Variants in CSMD1 observed in about 807,000 individuals in gnomAD.
The protein encoded by CSMD1 is CUB and sushi domain-containing protein 1.
A neutral mutation model predicts 417.5 loss-of-function variants in CSMD1; 213 were observed. The ratio of observed to expected loss-of-function variants is 0.51; its 90% CI spans 0.46 to 0.57. CSMD1 has a LOEUF of 0.57. Among genes scored for constraint, CSMD1 ranks in the 20% least tolerant of loss-of-function variants. The pLI is 0.00. For missense variants in CSMD1, 6,923 were observed against 4,529.7 expected (o/e 1.53, Z -15.17); for synonymous variants, 2,862 against 1,736.8 (o/e 1.65, Z -16.11).
chr8:3,590,747 A>T (rs145404784), intron 8 of CSMD1, among the ~76,000 whole-genome samples: 8 of 152,192 alleles, frequency 5.3e-5, no homozygotes, highest in Non-Finnish European at 1.2e-4. Flanking sequence ...ACGCCATTCC[A>T]GCAGCACAGC....
At chr8:3,625,338 C>T (rs1022220007) in intron 7 of CSMD1, among the ~76,000 whole-genome samples, 2 of 152,242 alleles carry the variant, frequency 1.3e-5, no homozygotes, top group African/African-American at 4.8e-5. Flanking sequence ...TCCAATTGGA[C>T]GTGAAGAGCT....
intron 1 of CSMD1, among the ~76,000 whole-genome samples, chr8:4,738,358 T>A (rs1193809369): frequency 1.3e-5 from 2 of 152,132 alleles, no homozygotes; most frequent in African/African-American, 4.8e-5. Flanking sequence ...CAGAAAACTT[T>A]CAATCGTAGC....
intron 10 of CSMD1, among the ~76,000 whole-genome samples, chr8:3,510,173 G>A (rs1585277751): frequency 6.7e-6 from 1 of 149,494 alleles, no homozygotes; most frequent in South Asian, 2.1e-4. Flanking sequence ...AAAACACTGA[G>A]GCAAGTAGGG....
At chr8:4,545,924 T>A (rs1158463891) in intron 2 of CSMD1, among the ~76,000 whole-genome samples, 4 of 152,110 alleles carry the variant, frequency 2.6e-5, no homozygotes, top group Non-Finnish European at 4.4e-5. Context: ...CTAATCACAT[T>A]CTTGCCTATT....
At chr8:3,908,560 G>A (rs2129137925) in intron 5 of CSMD1, among the ~76,000 whole-genome samples, 1 of 152,134 alleles carries the variant, frequency 6.6e-6, no homozygotes, top group East Asian at 1.9e-4. Flanking sequence ...TTGTAGCTAT[G>A]GAGCTCACAT....
intron 2 of CSMD1, among the ~76,000 whole-genome samples, chr8:4,471,053 C>A (rs1800502749): frequency 6.6e-6 from 1 of 152,012 alleles, no homozygotes; most frequent in Non-Finnish European, 1.5e-5. Context: ...GGTCTAATTT[C>A]CTCATTAATA....
intron 3 of CSMD1, among the ~76,000 whole-genome samples, chr8:4,235,530 A>C (rs1386503244): frequency 6.6e-6 from 1 of 152,140 alleles, no homozygotes; most frequent in Non-Finnish European, 1.5e-5. Flanking sequence ...TACATACATG[A>C]ATCTACTCAA....
At chr8:4,600,056 C>G (rs1032196091) in intron 2 of CSMD1, among the ~76,000 whole-genome samples, 3 of 152,194 alleles carry the variant, frequency 2.0e-5, no homozygotes, top group Admixed American at 6.5e-5. Flanking sequence ...CCACCAATGG[C>G]TTGTCCTTCC....
At chr8:3,594,482 A>T (rs1801001251) in intron 8 of CSMD1, among the ~76,000 whole-genome samples, 1 of 152,194 alleles carries the variant, frequency 6.6e-6, no homozygotes, top group Non-Finnish European at 1.5e-5. Flanking sequence ...TGTTGGTAAC[A>T]AAGCTGAGGT....
chr8:3,109,306 C>T (rs1285202350), intron 43 of CSMD1, among the ~76,000 whole-genome samples: 6 of 152,132 alleles, frequency 3.9e-5, no homozygotes, highest in African/African-American at 2.4e-5. Flanking sequence ...ATGTCAACAC[C>T]TGTGAGATTT....
rs183939921 is a variant in CSMD1 at position 3,932,362 on chromosome 8, T to A, written c.818+65541A>T. 1.3e-4 allele frequency among the ~76,000 whole-genome samples: 20 copies of A among 150,740 alleles called. 4 individuals are homozygous for A. The highest frequency in any genetic ancestry group is 4.9e-4 in the African/African-American group (20 of 40,938). Reference sequence around the variant, plus strand: ...TTTATTCTGCGACTAGAGGAATGAATATAGGCACTTGGGTGTTTTGCTATG... The same window carrying A: ...TTTATTCTGCGACTAGAGGAATGAAAATAGGCACTTGGGTGTTTTGCTATG... On this transcript the variant is annotated intron_variant, in intron 5 of 69. Coordinates refer to ENST00000635120, the MANE Select transcript of CSMD1 (RefSeq NM_033225.6).
At chr8:3,075,595 C>A (rs976374528) in intron 49 of CSMD1, among the ~76,000 whole-genome samples, 4 of 152,012 alleles carry the variant, frequency 2.6e-5, no homozygotes, top group Non-Finnish European at 5.9e-5. Flanking sequence ...TCATGTATTT[C>A]TTTACAGTAA....
At chr8:4,953,091 AAT>A (rs1808859353) in intron 1 of CSMD1, among the ~76,000 whole-genome samples, 1 of 152,148 alleles carries the variant, frequency 6.6e-6, no homozygotes, top group African/African-American at 2.4e-5. Context: ...CCTTAAAAGA[AAT>A]ATATATTCAA....
At chr8:4,594,684 T>C (rs1800163812) in intron 2 of CSMD1, among the ~76,000 whole-genome samples, 1 of 152,210 alleles carries the variant, frequency 6.6e-6, no homozygotes, top group African/African-American at 2.4e-5. Flanking sequence ...TGTGTTGCCT[T>C]TGTAATCAAA....
At chr8:4,202,437 A>T (rs1335663925) in intron 3 of CSMD1, among the ~76,000 whole-genome samples, 1 of 152,206 alleles carries the variant, frequency 6.6e-6, no homozygotes, top group Non-Finnish European at 1.5e-5. Flanking sequence ...GAGGTCGTGG[A>T]AATGTACAAA....
At chr8:3,198,760 T>TA (rs1363412177) in intron 33 of CSMD1, among the ~76,000 whole-genome samples, 3 of 152,168 alleles carry the variant, frequency 2.0e-5, no homozygotes, top group Admixed American at 6.5e-5. Flanking sequence ...TCCACCTTTT[T>TA]AAAAAATACG....
At position 4,235,676 on chromosome 8, in the gene CSMD1, T is replaced by C. The variant is rs146938678; in HGVS notation, c.415+184277A>G. ...ACCCTTTTAAAATGGGTCAGCCTGT[T>C]GCCATGTTTTCCTGAAGAATTTTAT... On this transcript the variant is annotated intron_variant, in intron 3 of 69. Transcript: ENST00000635120. Among the ~76,000 whole-genome samples, 377 of 152,348 alleles carry C rather than the reference T, an allele frequency of 2.5e-3. 4 individuals are homozygous for C. Among genetic ancestry groups the C allele is most frequent in the African/African-American group, 8.5e-3 (355 of 41,584 alleles).
chr8:4,514,577 G>C (rs1295831035), intron 2 of CSMD1, among the ~76,000 whole-genome samples: 1 of 152,188 alleles, frequency 6.6e-6, no homozygotes, highest in Non-Finnish European at 1.5e-5. Context: ...TAGCTACTGA[G>C]ACCGCTTGAC....
chr8:4,624,823 G>C (rs558560351), intron 2 of CSMD1, among the ~76,000 whole-genome samples: 7 of 152,264 alleles, frequency 4.6e-5, no homozygotes, highest in Admixed American at 6.5e-5. Flanking sequence ...ACAGACCTCA[G>C]AGTCCACATC....
Sources: allele counts gnomAD v4.1 joint callset (sites outside exome capture counted in the v4.1 genomes callset), GRCh38; gene constraint gnomAD v4.1.1; transcripts MANE v1.5; gene names NCBI Gene and HGNC (gene_info 2026-07-23, HGNC 2026-07-21).